The following ST6GALNAC5 variants were observed in gnomAD, a reference collection of about 807,000 sequenced individuals.
The protein encoded by ST6GALNAC5 is alpha-N-acetylgalactosaminide alpha-2,6-sialyltransferase 5.
Under a neutral mutation model 33.6 loss-of-function variants are expected in ST6GALNAC5, and 27 were observed. That is an observed-to-expected ratio of 0.80 (90% confidence interval 0.59 to 1.11). ST6GALNAC5 has a LOEUF of 1.11. Ranked by LOEUF, ST6GALNAC5 falls within the 50% of genes least tolerant of loss-of-function variation. The probability of loss-of-function intolerance (pLI) is 0.00; values close to 1 mark genes in which losing one functional copy is unlikely to be tolerated. For missense variants in ST6GALNAC5, 428 were observed against 454.0 expected (o/e 0.94, Z 0.52); for synonymous variants, 194 against 171.2 (o/e 1.13, Z -1.04).
intron 3 of ST6GALNAC5, among the ~76,000 whole-genome samples, chr1:77,046,721 T>C (rs1440455980): frequency 6.6e-6 from 1 of 152,232 alleles, no homozygotes; most frequent in Non-Finnish European, 1.5e-5. Context: ...TTTAGTTTCA[T>C]TTTTTACTTG....
intron 2 of ST6GALNAC5, among the ~76,000 whole-genome samples, chr1:76,956,928 C>A (rs144003831): frequency 1.5e-4 from 23 of 152,106 alleles, no homozygotes; most frequent in African/African-American, 2.9e-4. Context: ...GGGAGATAAC[C>A]TCTATTGATT....
chr1:76,983,666 A>G (rs1649356427), intron 2 of ST6GALNAC5, among the ~76,000 whole-genome samples: 1 of 152,238 alleles, frequency 6.6e-6, no homozygotes, highest in Admixed American at 6.5e-5. Context: ...CAGACCTAAT[A>G]GACAGCTGCA....
At chr1:76,959,001 C>T (rs1328538880) in intron 2 of ST6GALNAC5, among the ~76,000 whole-genome samples, 1 of 152,170 alleles carries the variant, frequency 6.6e-6, no homozygotes, top group African/African-American at 2.4e-5. Flanking sequence ...CTGCCTCCTC[C>T]TCTGCCTCCT....
At chr1:76,948,868 A>G (rs1322610673) in intron 2 of ST6GALNAC5, among the ~76,000 whole-genome samples, 3 of 152,244 alleles carry the variant, frequency 2.0e-5, no homozygotes, top group Admixed American at 6.5e-5. Flanking sequence ...GCCATTTTAC[A>G]TTCTACTGAA....
At chr1:76,920,097 T>A (rs1438906441) in intron 2 of ST6GALNAC5, among the ~76,000 whole-genome samples, 3 of 152,158 alleles carry the variant, frequency 2.0e-5, no homozygotes, top group Admixed American at 6.6e-5. Flanking sequence ...ATGACTTTAT[T>A]TCACATGTAA....
intron 3 of ST6GALNAC5, among the ~76,000 whole-genome samples, chr1:77,048,756 G>A (rs1200228418): frequency 6.6e-6 from 1 of 152,216 alleles, no homozygotes; most frequent in African/African-American, 2.4e-5. Context: ...AGAGGAGGAA[G>A]AGATGTCAAC....
At chr1:77,021,202 CTT>C (rs895696976) in intron 2 of ST6GALNAC5, among the ~76,000 whole-genome samples, 2 of 152,174 alleles carry the variant, frequency 1.3e-5, no homozygotes, top group Admixed American at 6.5e-5. Context: ...AAACCAGTCT[CTT>C]TTTAAAAAAG....
Position 76,982,521 on chromosome 1 carries a change from A to T in ST6GALNAC5, c.262-61683A>T, listed in dbSNP as rs577396502. On this transcript the variant is annotated intron_variant, in intron 2 of 4. Transcript: ENST00000477717. ...AAGAAATATGGGACTATGTGAAAAG[A>T]CCAAATCTACATCTGATTGGTGTAC... Among the ~76,000 whole-genome samples, 122 of 152,332 alleles carry T rather than the reference A, an allele frequency of 8.0e-4. 1 individual carries two copies. The highest frequency in any genetic ancestry group is 8.0e-3 in the Admixed American group (122 of 15,290).
intron 2 of ST6GALNAC5, among the ~76,000 whole-genome samples, chr1:76,911,758 T>C (rs1308844027): frequency 6.6e-6 from 1 of 152,178 alleles, no homozygotes; most frequent in Non-Finnish European, 1.5e-5. Flanking sequence ...TCTCTGATGG[T>C]AGTTTGTATT....
At chr1:76,927,841 TTTGA>T (rs1224930864) in intron 2 of ST6GALNAC5, among the ~76,000 whole-genome samples, 2 of 152,194 alleles carry the variant, frequency 1.3e-5, no homozygotes, top group African/African-American at 2.4e-5. Context: ...AGCATTTAAA[TTTGA>T]TTGATGAGTT....
intron 2 of ST6GALNAC5, among the ~76,000 whole-genome samples, chr1:76,926,285 T>C (rs1162008128): frequency 6.6e-6 from 1 of 152,184 alleles, no homozygotes; most frequent in Non-Finnish European, 1.5e-5. Flanking sequence ...TATAAATCTT[T>C]TGCAAAAGTT....
At chr1:76,920,866 CAT>C (rs1647027599) in intron 2 of ST6GALNAC5, among the ~76,000 whole-genome samples, 1 of 152,090 alleles carries the variant, frequency 6.6e-6, no homozygotes, top group Admixed American at 6.6e-5. Context: ...AAACAGAAAA[CAT>C]ATGGTGGAAA....
chr1:76,977,646 G>A (rs12731328), intron 2 of ST6GALNAC5, among the ~76,000 whole-genome samples: 52,131 of 151,996 alleles, frequency 0.34, 10,890 homozygotes, highest in Non-Finnish European at 0.45. Context: ...ATAGAATTTC[G>A]TTCTGTTTTA....
chr1:76,879,320 C>G (rs1557707424), intron 2 of ST6GALNAC5, among the ~76,000 whole-genome samples: 1 of 152,068 alleles, frequency 6.6e-6, no homozygotes, highest in African/African-American at 2.4e-5. Context: ...CTATTAGAAC[C>G]TTTTTTTAAC....
intron 2 of ST6GALNAC5, among the ~76,000 whole-genome samples, chr1:76,991,819 C>T (rs182271848): frequency 6.4e-4 from 93 of 146,202 alleles, no homozygotes; most frequent in African/African-American, 2.0e-3. Context: ...CCCAAACAAC[C>T]TTCTAACTCA....
At chr1:77,025,771 C>G (rs1054518724) in intron 2 of ST6GALNAC5, among the ~76,000 whole-genome samples, 1 of 152,108 alleles carries the variant, frequency 6.6e-6, no homozygotes, top group Non-Finnish European at 1.5e-5. Context: ...CAGTCCCACT[C>G]AGGCTCCCTC....
At chr1:76,989,616 A>AG (rs1488291389) in intron 2 of ST6GALNAC5, among the ~76,000 whole-genome samples, 20 of 152,116 alleles carry the variant, frequency 1.3e-4, no homozygotes, top group Admixed American at 1.2e-3. Flanking sequence ...TGTATTTATA[A>AG]GGGCTTTCTT....
intron 2 of ST6GALNAC5, among the ~76,000 whole-genome samples, chr1:76,892,493 A>G (rs1654035594): frequency 6.6e-6 from 1 of 152,186 alleles, no homozygotes; most frequent in African/African-American, 2.4e-5. Flanking sequence ...CCATATGTTT[A>G]TAAATAGGAA....
chr1:76,919,083 A>G (rs1718920), intron 2 of ST6GALNAC5, among the ~76,000 whole-genome samples: 72,263 of 151,922 alleles, frequency 0.48, 17,694 homozygotes, highest in African/African-American at 0.57. Context: ...TGAACTGGAT[A>G]ACTGCCTCTG....
Sources: allele counts gnomAD v4.1 joint callset (sites outside exome capture counted in the v4.1 genomes callset), GRCh38; gene constraint gnomAD v4.1.1; transcripts MANE v1.5; gene names NCBI Gene and HGNC (gene_info 2026-07-23, HGNC 2026-07-21).